Variants in LTBP2 observed in about 807,000 individuals in gnomAD.
LTBP2 encodes the protein latent-transforming growth factor beta-binding protein 2.
LTBP2 carries 103 observed loss-of-function variants against 210.6 expected under a neutral mutation model. That is an observed-to-expected ratio of 0.49 (90% CI 0.42 to 0.58). The LOEUF (loss-of-function observed/expected upper bound fraction) is 0.58. Among genes scored for constraint, LTBP2 ranks in the 20% least tolerant of loss-of-function variants. The pLI is 0.00. For missense variants in LTBP2, 2,313 were observed against 2,494.5 expected, an observed-to-expected ratio of 0.93 and a Z score of 1.55; for synonymous variants, 1,007 against 1,015.0, an observed-to-expected ratio of 0.99 and a Z score of 0.15.
At chr14:74,562,069 G>T (rs1339629980) in intron 3 of LTBP2, among the ~76,000 whole-genome samples, 1 of 152,098 alleles carries the variant, frequency 6.6e-6, no homozygotes, top group African/African-American at 2.4e-5. Context: ...AATTAGCTGG[G>T]CGTGTTGGTG....
At chr14:74,535,048 C>T (rs1293268070) in intron 9 of LTBP2, among the ~76,000 whole-genome samples, 1 of 152,158 alleles carries the variant, frequency 6.6e-6, no homozygotes, top group Non-Finnish European at 1.5e-5. Flanking sequence ...TTTCTCCCTA[C>T]ATCCACTGTC....
At chr14:74,558,539 CCA>C (rs1429636130) in intron 3 of LTBP2, among the ~76,000 whole-genome samples, 1 of 152,210 alleles carries the variant, frequency 6.6e-6, no homozygotes, top group African/African-American at 2.4e-5. Flanking sequence ...AGTGGCAGCG[CCA>C]CAGAGCATCC....
chr14:74,502,752 A>G lies in LTBP2; in HGVS notation c.5071T>C (p.Phe1691Leu). 1 of 1,614,210 alleles carries G rather than the reference A, an allele frequency of 6.2e-7. No homozygotes were observed. Among genetic ancestry groups the G allele is most frequent in the Non-Finnish European group, 8.5e-7 (1 of 1,180,026 alleles). Residue 1691 changes from phenylalanine to leucine, a missense_variant, in exon 34 of 36, where the codon TTC (phenylalanine) becomes CTC (leucine). Physicochemically the swap from Phe to Leu is conservative, Grantham distance 22. This residue lies in a region of LTBP2 where 443 missense variants were observed against 501.4 expected (regional missense o/e 0.88). Coordinates refer to ENST00000261978, the MANE Select transcript of LTBP2 (RefSeq NM_000428.3). ...GCTGAGTGACCGGCTGTGTTGGGGA[A>G]GGCAGGCTCAGGGACGGTGTCCTCG... is the stretch of plus-strand genomic sequence containing the variant. ...GPEDTVPEPA[F>L]PNTAGHSADR...
intron 30 of LTBP2, 94 bp from the exon 31 acceptor site, chr14:74,504,148 C>T (rs1486038106): frequency 6.6e-7 from 1 of 1,510,078 alleles, no homozygotes; most frequent in Non-Finnish European, 9.0e-7. Flanking sequence ...GTTTGAATCC[C>T]AGCTCTGCCA....
chr14:74,521,138 AAC>A (rs1378353239), intron 17 of LTBP2, among the ~76,000 whole-genome samples: 1 of 152,134 alleles, frequency 6.6e-6, no homozygotes, highest in Non-Finnish European at 1.5e-5. Context: ...GGGGGATTGG[AAC>A]CCGAGGGGAT....
Position 74,500,737 on chromosome 14 carries a change from T to A in LTBP2, c.*147A>T, listed in dbSNP as rs886050753. The A allele has an allele frequency of 1.8e-6, 2 of 1,100,416 alleles. No individual in the cohort carries two copies. Among genetic ancestry groups the A allele is most frequent in the Non-Finnish European group, 2.7e-6 (2 of 732,162 alleles). The allele number at this position is 1,100,416 out of a possible 1,614,324, so 68.2% of individuals were successfully genotyped here. A position where few individuals can be genotyped will look rare whatever the true frequency, so the allele number is the denominator to read the frequency against. ...ATGACCGAAGCTTACAGCCAGAGGC[T>A]AAGCTGGGAGAGATGAAAGCAGGCA... On this transcript the variant is annotated 3_prime_UTR_variant, in exon 36 of 36. Transcript: ENST00000261978.
Position 74,504,006 on chromosome 14 carries a change from C to T in LTBP2, c.4502G>A (p.Arg1501Gln), listed in dbSNP as rs373693540. The T allele has an allele frequency of 1.5e-5, 24 of 1,613,942 alleles. No homozygotes were observed. Among genetic ancestry groups the T allele is most frequent in the Admixed American group, 1.0e-4 (6 of 60,004 alleles). Residue 1501 changes from arginine (R) to glutamine (Q), a missense_variant, in exon 31 of 36, where the codon CGG (arginine) becomes CAG (glutamine). Arg to Gln is a conservative substitution (Grantham distance 43). This residue lies in a region of LTBP2 where 443 missense variants were observed against 501.4 expected (regional missense o/e 0.88). Coordinates refer to ENST00000261978, the MANE Select transcript of LTBP2 (RefSeq NM_000428.3). ...ATAACCAGGCACGGTGTTGAGGCAC[C>T]GGCCGTTCGGGCAGAGACCAGGCCC... ...IFGPGLCPNG[R>Q]CLNTVPGYVC...
At chr14:74,582,036 T>C (rs2088143590) in intron 3 of LTBP2, among the ~76,000 whole-genome samples, 1 of 150,082 alleles carries the variant, frequency 6.7e-6, no homozygotes, top group East Asian at 1.9e-4. Context: ...TTTTTTTTTT[T>C]GAGATGGAGT....
chr14:74,507,787 G>A (rs1175176879), intron 25 of LTBP2, among the ~76,000 whole-genome samples, 186 bp downstream of exon 25: 3 of 152,232 alleles, frequency 2.0e-5, no homozygotes, highest in African/African-American at 7.2e-5. Context: ...CTGCCAGCAC[G>A]AAGATGATGA....
intron 20 of LTBP2, 36 bp from the exon 21 acceptor site, chr14:74,509,895 C>G: frequency 1.2e-6 from 2 of 1,613,842 alleles, no homozygotes; most frequent in East Asian, 4.5e-5. Flanking sequence ...TGGGACTCTG[C>G]AGGACAGACA....
chr14:74,603,053 G>A (rs1347822758), intron 2 of LTBP2, among the ~76,000 whole-genome samples: 1 of 152,258 alleles, frequency 6.6e-6, no homozygotes, highest in Non-Finnish European at 1.5e-5. Context: ...AACACAGTAG[G>A]ACAGCAGGAG....
chr14:74,528,886 C>G, intron 11 of LTBP2, 72 bp downstream of exon 11: 1 of 1,578,484 alleles, frequency 6.3e-7, no homozygotes, highest in Non-Finnish European at 8.6e-7. Flanking sequence ...GGAAGTCTAC[C>G]CAGGCCTGGC....
chr14:74,584,751 T>A lies in LTBP2; in HGVS notation c.830+1103A>T, dbSNP rs528708792. Among the ~76,000 whole-genome samples the A allele has an allele frequency of 3.9e-5, 6 of 152,216 alleles. No homozygotes were observed. The South Asian group carries it at 8.3e-4, about 21-fold the overall frequency. ...TGCTCCTAGCTGCCCTTGGAAAACATCTGCTTGGGTGACCAGGGCCCCGGA... is the reference window on the plus strand; with the variant it reads ...TGCTCCTAGCTGCCCTTGGAAAACAACTGCTTGGGTGACCAGGGCCCCGGA... On this transcript the variant is annotated intron_variant, in intron 3 of 35. Transcript: ENST00000261978.
intron 23 of LTBP2, 26 bp downstream of exon 23, chr14:74,508,804 C>G: frequency 6.2e-7 from 1 of 1,613,570 alleles, no homozygotes; most frequent in Non-Finnish European, 8.5e-7. Context: ...CCCCCCACCC[C>G]CAGTAGGGTG....
chr14:74,511,417 T>C, intron 18 of LTBP2, 53 bp from the exon 19 acceptor site: 2 of 1,611,352 alleles, frequency 1.2e-6, no homozygotes, highest in Non-Finnish European at 8.5e-7. Flanking sequence ...AGCAAATGGG[T>C]AGGTCTGTGA....
At chr14:74,573,860 C>T (rs1055190017) in intron 3 of LTBP2, among the ~76,000 whole-genome samples, 1 of 152,258 alleles carries the variant, frequency 6.6e-6, no homozygotes, top group East Asian at 1.9e-4. Context: ...CACAGCTCTG[C>T]GCAGCCAGTA....
chr14:74,528,104 G>C (rs889039021), intron 12 of LTBP2, among the ~76,000 whole-genome samples: 5 of 152,204 alleles, frequency 3.3e-5, no homozygotes, highest in Admixed American at 1.3e-4. Context: ...CGGGCCAGGG[G>C]TCTGACATGC....
At chr14:74,611,090 C>T (rs1030256819) in intron 1 of LTBP2, among the ~76,000 whole-genome samples, 2 of 152,238 alleles carry the variant, frequency 1.3e-5, no homozygotes, top group African/African-American at 4.8e-5. Flanking sequence ...GCCCACCCTC[C>T]TGCCCTCTCC....
At chr14:74,508,984 G>C (rs371132964) in intron 22 of LTBP2, 32 bp from the exon 23 acceptor site, 3 of 1,611,474 alleles carry the variant, frequency 1.9e-6, no homozygotes, top group Non-Finnish European at 2.5e-6. Flanking sequence ...GAAGACAGCC[G>C]ATGGCAGCAC....
Sources: gnomAD v4.1 joint callset for allele counts (sites outside exome capture counted in the v4.1 genomes callset) on GRCh38, gnomAD v4.1.1 for gene constraint, gnomAD v4.1.1 regional missense constraint, MANE v1.5 for transcripts, NCBI Gene and HGNC (gene_info 2026-07-23, HGNC 2026-07-21) for gene names.